Variants in ZNF112 observed in about 807,000 individuals in gnomAD.
ZNF112 encodes zinc finger protein 112 (Y14).
Under a neutral mutation model 77.7 loss-of-function variants are expected in ZNF112, and 37 were observed. The observed-to-expected ratio is 0.48, with a 90% CI of 0.37 to 0.63. The LOEUF (loss-of-function observed/expected upper bound fraction) is 0.63. ZNF112 is among the 20% of genes least tolerant of loss of function. The pLI is 0.00. For synonymous variants in ZNF112, 333 were observed against 363.6 expected, an observed-to-expected ratio of 0.92 and a Z score of 0.96; for missense variants, 950 against 1,077.4, an observed-to-expected ratio of 0.88 and a Z score of 1.66.
At chr19:44,364,593 G>T (rs1970884862) in intron 1 of ZNF112, among the ~76,000 whole-genome samples, 1 of 151,790 alleles carries the variant, frequency 6.6e-6, no homozygotes, top group African/African-American at 2.4e-5. Flanking sequence ...TACTACAGAA[G>T]CATCCACAGA....
chr19:44,329,952 G>T lies in ZNF112; in HGVS notation c.221-16C>A, dbSNP rs533891488. The T allele has an allele frequency of 3.8e-6, 6 of 1,578,610 alleles. No individual in the cohort carries two copies. The South Asian group carries it at 5.7e-5, about 15-fold the overall frequency. On this transcript the variant is annotated splice_polypyrimidine_tract_variant and intron_variant, in intron 3 of 3. Coordinates refer to ENST00000354340, the MANE Select transcript of ZNF112 (RefSeq NM_013380.4). Reference sequence around the variant, plus strand: ...TTCTTCCTTCCTATAAGGATAAAGAGAATTCAGATGTGCACGAGTGAATGC... The same window carrying T: ...TTCTTCCTTCCTATAAGGATAAAGATAATTCAGATGTGCACGAGTGAATGC...
chr19:44,357,912 G>C (rs560167382), upstream of ZNF112, among the ~76,000 whole-genome samples: 1 of 152,148 alleles, frequency 6.6e-6, no homozygotes, highest in South Asian at 2.1e-4. Flanking sequence ...AAGACATAAC[G>C]ACCAATCTGT....
chr19:44,348,506 T>C (rs986135677), intron 1 of ZNF112, among the ~76,000 whole-genome samples: 4 of 152,176 alleles, frequency 2.6e-5, no homozygotes, highest in Non-Finnish European at 5.9e-5. Context: ...TCAGATGTTA[T>C]CTTTTTCATA....
intron 3 of ZNF112, among the ~76,000 whole-genome samples, chr19:44,336,311 C>G (rs755972243): frequency 1.3e-5 from 2 of 152,152 alleles, no homozygotes; most frequent in African/African-American, 2.4e-5. Flanking sequence ...TTACCCAATT[C>G]ATTCAGAGAG....
At position 44,329,153 on chromosome 19, in the gene ZNF112, T is replaced by C. The variant is rs1164721277; in HGVS notation, c.1004A>G (p.Asn335Ser). 3 of 1,613,796 alleles carry C rather than the reference T, an allele frequency of 1.9e-6. No individual in the cohort carries two copies. The highest frequency in any genetic ancestry group is 1.3e-5 in the African/African-American group (1 of 74,940). Residue 335 changes from asparagine to serine, a missense_variant, in exon 4 of 4, where the codon AAT becomes AGT. Transcript: ENST00000354340. ...ATAAGTGTTAAGAGGGGAACAGTGA[T>C]TGAAGTTCTCACCATATTCACCACA... ...CKCGEYGENF[N>S]HCSPLNTYEL... is the part of the protein sequence containing the mutation.
chr19:44,349,915 T>A (rs117932132), intron 1 of ZNF112, among the ~76,000 whole-genome samples: 6 of 152,216 alleles, frequency 3.9e-5, no homozygotes, highest in Admixed American at 6.5e-5. Context: ...GCTCTTGATT[T>A]CACAGATGTT....
chr19:44,329,999 T>C (rs1328105278), intron 3 of ZNF112, 63 bp from the exon 4 acceptor site: 4 of 1,309,204 alleles, frequency 3.1e-6, no homozygotes, highest in Non-Finnish European at 4.2e-6. Context: ...GATTTGAAGA[T>C]TTTACACTTA....
At chr19:44,352,116 G>A (rs556848338) in intron 1 of ZNF112, among the ~76,000 whole-genome samples, 4 of 152,126 alleles carry the variant, frequency 2.6e-5, no homozygotes, top group African/African-American at 9.6e-5. Flanking sequence ...TACCACAAGG[G>A]GATGTTTCTG....
chr19:44,357,669 T>G (rs909809544), upstream of ZNF112, among the ~76,000 whole-genome samples: 1 of 152,126 alleles, frequency 6.6e-6, no homozygotes, highest in Non-Finnish European at 1.5e-5. Context: ...GAAATGCAAG[T>G]CATAAGGCAA....
At chr19:44,355,660 G>A (rs559478945) in intron 1 of ZNF112, among the ~76,000 whole-genome samples, 1 of 152,268 alleles carries the variant, frequency 6.6e-6, no homozygotes, top group South Asian at 2.1e-4. Context: ...AAATGGGAAT[G>A]GTGGTACCCA....
intron 1 of ZNF112, among the ~76,000 whole-genome samples, chr19:44,355,875 A>G (rs1396603624): frequency 2.6e-5 from 4 of 152,228 alleles, no homozygotes; most frequent in African/African-American, 9.6e-5. Context: ...CTTCCCTGAA[A>G]AGAAAGGATG....
rs1205231873 is a variant in ZNF112 at position 44,328,543 on chromosome 19, C to G, written c.1614G>C (p.Gln538His). 1 of 1,604,672 alleles carries G rather than the reference C, an allele frequency of 6.2e-7. No individual in the cohort carries two copies. Among genetic ancestry groups the G allele is most frequent in the Non-Finnish European group, 8.5e-7 (1 of 1,173,762 alleles). ...FNHRSVLNVH[Q>H]RVHTGEKPYK... is the part of the protein sequence containing the mutation. ...AAGGTTTCTCTCCTGTGTGGACTCT[C>G]TGATGAACATTCAGAACTGATCTAT... The change falls in exon 4 of 4, where the codon CAG becomes CAC. Residue 538 changes from glutamine to histidine, a missense_variant. By Grantham distance (24) the Gln-to-His change is conservative. Coordinates refer to ENST00000354340, the MANE Select transcript of ZNF112 (RefSeq NM_013380.4).
In ZNF112 at chr19:44,329,251, C is replaced by G. The variant is rs1390786227; in HGVS notation, c.906G>C (p.Glu302Asp). The G allele has an allele frequency of 1.2e-6, 2 of 1,613,780 alleles. No individual in the cohort carries two copies. The highest frequency in any genetic ancestry group is 1.7e-6 in the Non-Finnish European group (2 of 1,179,992). The change falls in exon 4 of 4, where the codon GAG (glutamate) becomes GAC (aspartate). Residue 302 changes from glutamate (E) to aspartate (D), a missense_variant. Coordinates refer to ENST00000354340, the MANE Select transcript of ZNF112 (RefSeq NM_013380.4). ...GTGAATTCTCAATATCATCTTCTCT[C>G]TCAATATTTTGATGAATATGAAGAA... is the stretch of plus-strand genomic sequence containing the variant. Reference protein sequence around the residue: ...SSLLHIHQNIEREDDIENSHL... With the variant: ...SSLLHIHQNIDREDDIENSHL...
chr19:44,354,916 A>G (rs1350999175), intron 1 of ZNF112, among the ~76,000 whole-genome samples: 1 of 152,212 alleles, frequency 6.6e-6, no homozygotes, highest in Non-Finnish European at 1.5e-5. Context: ...GTAAGCTTCA[A>G]CGAATGAAAA....
intron 3 of ZNF112, among the ~76,000 whole-genome samples, chr19:44,333,316 G>T (rs1197779716): frequency 6.6e-6 from 1 of 152,076 alleles, no homozygotes; most frequent in East Asian, 1.9e-4. Flanking sequence ...ATCAGCTCAG[G>T]TTACCCAGGC....
chr19:44,328,961 T>C lies in ZNF112; in HGVS notation c.1196A>G (p.His399Arg), dbSNP rs746900602. 11 of 1,614,040 alleles carry C rather than the reference T, an allele frequency of 6.8e-6. No individual in the cohort carries two copies. The highest frequency in any genetic ancestry group is 9.3e-6 in the Non-Finnish European group (11 of 1,179,984). Residue 399 changes from histidine to arginine, a missense_variant, in exon 4 of 4, where the codon CAT (histidine) becomes CGT (arginine). By Grantham distance (29) the His-to-Arg change is conservative. Around this residue, in one of 3 missense-constraint regions of ZNF112, gnomAD observed 560 missense variants for 557.3 expected, o/e 1.00. Transcript: ENST00000354340. ...TTTCTCTTCAGTGTGGATTTTTTGATGGACTTGAAGACATGAACTCTGATT... is the reference window on the plus strand; with the variant it reads ...TTTCTCTTCAGTGTGGATTTTTTGACGGACTTGAAGACATGAACTCTGATT... ...VFNQSSCLQV[H>R]QKIHTEEKLY...
At chr19:44,337,832 C>T (rs1015563731) in intron 2 of ZNF112, among the ~76,000 whole-genome samples, 4 of 29,032 alleles carry the variant, frequency 1.4e-4, no homozygotes, top group African/African-American at 5.9e-4. Context: ...TATGTATATA[C>T]ATACACATAC....
At chr19:44,352,984 T>TA (rs1461893553) in intron 1 of ZNF112, among the ~76,000 whole-genome samples, 4 of 152,048 alleles carry the variant, frequency 2.6e-5, no homozygotes, top group Admixed American at 1.3e-4. Flanking sequence ...AAGCTGATTC[T>TA]AAAATGCATA....
chr19:44,367,042 C>T (rs761371589), intron 1 of ZNF112: 3 of 455,364 alleles, frequency 6.6e-6, no homozygotes, highest in South Asian at 4.6e-5. Flanking sequence ...CTCAACCCGC[C>T]AAGACCAAAT....
Sources: allele counts gnomAD v4.1 joint callset (sites outside exome capture counted in the v4.1 genomes callset), GRCh38; gene constraint gnomAD v4.1.1; regional missense constraint gnomAD v4.1.1; transcripts MANE v1.5; gene names NCBI Gene and HGNC (gene_info 2026-07-23, HGNC 2026-07-21).